Variants in PARD3 observed in about 807,000 individuals in gnomAD.
PARD3 encodes the protein partitioning defective 3 homolog.
Under a neutral mutation model 155.4 loss-of-function variants are expected in PARD3, and 75 were observed. That is an observed-to-expected ratio of 0.48 (90% CI 0.40 to 0.58). PARD3 has a LOEUF of 0.58. Among genes scored for constraint, PARD3 ranks in the 20% least tolerant of loss-of-function variants. The probability of loss-of-function intolerance (pLI) is 0.00; values close to 1 mark genes in which losing one functional copy is unlikely to be tolerated. For missense variants in PARD3, 1,642 were observed against 1,721.7 expected (o/e 0.95, Z 0.82); for synonymous variants, 576 against 610.5 (o/e 0.94, Z 0.83).
rs1414529659 is a variant in PARD3 at position 34,371,517 on chromosome 10, AAAAAAAAAAAAAAAACAAC to A, written c.1707+962_1707+980del. Reference sequence around the variant, plus strand: ...AAAAAAAAAAAAAAAAAAAAAAAAAAAAAAAAAAAAAAAAACAACGAAGGAATATTTGAAAAATAACATT... The same window carrying A: ...AAAAAAAAAAAAAAAAAAAAAAAAAAGAAGGAATATTTGAAAAATAACATT... On this transcript the variant is annotated intron_variant, in intron 12 of 24. Coordinates refer to ENST00000374788, the MANE Select transcript of PARD3 (RefSeq NM_001184785.2). 1.0e-3 allele frequency among the ~76,000 whole-genome samples: 88 copies of A among 84,382 alleles called. 3 individuals carry two copies. The highest frequency in any genetic ancestry group is 2.9e-3 in the African/African-American group (23 of 7,960). 55.4% of individuals were successfully genotyped at this position (84,382 alleles called of 152,430 possible).
At chr10:34,632,000 G>A (rs2092292395) in intron 2 of PARD3, among the ~76,000 whole-genome samples, 1 of 152,178 alleles carries the variant, frequency 6.6e-6, no homozygotes, top group Admixed American at 6.5e-5. Flanking sequence ...ATTAGCCTGA[G>A]GCCAGGCAGA....
chr10:34,127,415 GT>G (rs1947346147), intron 23 of PARD3, among the ~76,000 whole-genome samples: 1 of 152,090 alleles, frequency 6.6e-6, no homozygotes, highest in Admixed American at 6.5e-5. Context: ...CAGCTCCGTG[GT>G]TCTCAACACC....
intron 1 of PARD3, among the ~76,000 whole-genome samples, chr10:34,800,268 G>A (rs371276225): frequency 3.9e-5 from 6 of 152,046 alleles, no homozygotes; most frequent in African/African-American, 1.4e-4. Context: ...AGCACATAGG[G>A]CCTGATACAA....
chr10:34,379,309 T>C (rs185935793), intron 9 of PARD3, among the ~76,000 whole-genome samples: 36 of 152,268 alleles, frequency 2.4e-4, no homozygotes, highest in Non-Finnish European at 4.4e-5. Context: ...GTTATTCCTG[T>C]AGCAAAACCT....
intron 22 of PARD3, among the ~76,000 whole-genome samples, chr10:34,157,403 C>T (rs1476020247): frequency 6.6e-6 from 1 of 152,186 alleles, no homozygotes; most frequent in Non-Finnish European, 1.5e-5. Context: ...GTTTCCTTAG[C>T]CCTGATGCCA....
At chr10:34,608,901 C>G (rs1182535789) in intron 2 of PARD3, among the ~76,000 whole-genome samples, 1 of 152,076 alleles carries the variant, frequency 6.6e-6, no homozygotes, top group East Asian at 1.9e-4. Flanking sequence ...TTAGGTATTA[C>G]AAGTAATCTA....
intron 1 of PARD3, among the ~76,000 whole-genome samples, chr10:34,712,001 C>T (rs1013253995): frequency 1.3e-5 from 2 of 152,204 alleles, no homozygotes; most frequent in African/African-American, 2.4e-5. Context: ...ATACCTTCGT[C>T]CTCACCTGCA....
chr10:34,258,738 G>A (rs1442416785), intron 22 of PARD3, among the ~76,000 whole-genome samples: 1 of 152,122 alleles, frequency 6.6e-6, no homozygotes, highest in Non-Finnish European at 1.5e-5. Context: ...GGAAAAAGTA[G>A]AATAGAACCT....
intron 4 of PARD3, among the ~76,000 whole-genome samples, chr10:34,467,679 G>C (rs1428287282): frequency 6.6e-6 from 1 of 152,142 alleles, no homozygotes; most frequent in Non-Finnish European, 1.5e-5. Context: ...CTGGGAGGTA[G>C]AAGTTGTAGT....
At chr10:34,323,873 C>T (rs1408958834) in intron 19 of PARD3, among the ~76,000 whole-genome samples, 2 of 152,150 alleles carry the variant, frequency 1.3e-5, no homozygotes, top group African/African-American at 2.4e-5. Context: ...ATTCAAATGA[C>T]GGCCCACAGT....
chr10:34,218,043 C>A (rs1952090837), intron 22 of PARD3, among the ~76,000 whole-genome samples: 1 of 152,138 alleles, frequency 6.6e-6, no homozygotes, highest in Non-Finnish European at 1.5e-5. Context: ...CTTCCACAGG[C>A]ACCTCCTGCA....
intron 12 of PARD3, among the ~76,000 whole-genome samples, chr10:34,369,771 C>G (rs1329302516): frequency 6.6e-6 from 1 of 152,128 alleles, no homozygotes; most frequent in Non-Finnish European, 1.5e-5. Flanking sequence ...TGAAAGTGAG[C>G]ATTGGACTTG....
At chr10:34,117,359 G>A (rs1946736051) in intron 24 of PARD3, among the ~76,000 whole-genome samples, 1 of 152,180 alleles carries the variant, frequency 6.6e-6, no homozygotes, top group South Asian at 2.1e-4. Context: ...CGTGCAGGGA[G>A]GGCCATGCCA....
chr10:34,469,104 G>C (rs1272184866), intron 4 of PARD3, among the ~76,000 whole-genome samples: 2 of 152,260 alleles, frequency 1.3e-5, no homozygotes, highest in East Asian at 3.9e-4. Context: ...TTCTGACAAA[G>C]AGCATCAACA....
chr10:34,639,394 AT>A (rs778484868), intron 2 of PARD3, among the ~76,000 whole-genome samples: 10 of 152,210 alleles, frequency 6.6e-5, no homozygotes, highest in South Asian at 4.1e-4. Flanking sequence ...TAAAAAAAAA[AT>A]AAAATACATA....
chr10:34,172,513 G>GA (rs1377987419), intron 22 of PARD3, among the ~76,000 whole-genome samples: 2 of 152,112 alleles, frequency 1.3e-5, no homozygotes, highest in African/African-American at 4.8e-5. Context: ...GTGCACGTGT[G>GA]TTATTTAGGG....
intron 22 of PARD3, among the ~76,000 whole-genome samples, chr10:34,245,970 C>T (rs1201055892): frequency 2.0e-5 from 3 of 152,200 alleles, no homozygotes; most frequent in East Asian, 1.9e-4. Context: ...GGTGTAGGCA[C>T]GTGAGAATCA....
chr10:34,491,197 G>T (rs1286736018), intron 3 of PARD3, among the ~76,000 whole-genome samples: 2 of 152,152 alleles, frequency 1.3e-5, no homozygotes, highest in Non-Finnish European at 2.9e-5. Context: ...GGAGTCAGTG[G>T]TCACAGGATC....
At chr10:34,353,165 G>A (rs972870352) in intron 14 of PARD3, among the ~76,000 whole-genome samples, 3 of 152,014 alleles carry the variant, frequency 2.0e-5, no homozygotes, top group Non-Finnish European at 4.4e-5. Flanking sequence ...CGCCCCGTCC[G>A]GGAGGGAGGT....
Sources: gnomAD v4.1 joint callset for allele counts (sites outside exome capture counted in the v4.1 genomes callset) on GRCh38, gnomAD v4.1.1 for gene constraint, MANE v1.5 for transcripts, NCBI Gene and HGNC (gene_info 2026-07-23, HGNC 2026-07-21) for gene names.